Variants in AGBL1 observed in about 807,000 individuals in gnomAD.
AGBL1 encodes cytosolic carboxypeptidase 4.
AGBL1 carries 130 observed loss-of-function variants against 118.9 expected under a neutral mutation model. That is an observed-to-expected ratio of 1.09 (90% CI 0.95 to 1.26). AGBL1 has a LOEUF of 1.26. Among genes scored for constraint, AGBL1 ranks in the 50% most tolerant of loss-of-function variants. AGBL1 has a pLI of 0.00. For missense variants in AGBL1, 1,584 were observed against 1,298.1 expected (o/e 1.22, Z -3.38); for synonymous variants, 555 against 478.9 (o/e 1.16, Z -2.08).
chr15:86,583,980 A>G (rs200741124), intron 21 of AGBL1, among the ~76,000 whole-genome samples: 1 of 132,828 alleles, frequency 7.5e-6, no homozygotes, highest in Admixed American at 7.8e-5. Context: ...GGCCACTTGT[A>G]TGTCTTCTTT....
intron 5 of AGBL1, among the ~76,000 whole-genome samples, chr15:86,173,637 G>T (rs566501582): frequency 6.6e-6 from 1 of 152,028 alleles, no homozygotes; most frequent in Non-Finnish European, 1.5e-5. Context: ...AGAGGTAGGG[G>T]TCTAGTTTCA....
intron 1 of AGBL1, among the ~76,000 whole-genome samples, chr15:86,126,518 T>C (rs763753197): frequency 2.6e-5 from 4 of 152,192 alleles, no homozygotes; most frequent in Non-Finnish European, 5.9e-5. Flanking sequence ...TCTATATGAA[T>C]TGAACAGTGC....
chr15:86,382,596 T>G (rs2081127409), intron 17 of AGBL1, among the ~76,000 whole-genome samples: 1 of 152,116 alleles, frequency 6.6e-6, no homozygotes, highest in African/African-American at 2.4e-5. Context: ...TGTCAGGCTA[T>G]GTAAGTGGAG....
chr15:86,488,492 C>T (rs979626410), intron 18 of AGBL1, among the ~76,000 whole-genome samples: 1 of 151,966 alleles, frequency 6.6e-6, no homozygotes, highest in Non-Finnish European at 1.5e-5. Context: ...TAAGGTAGTA[C>T]CAGGACATTA....
At chr15:86,081,866 T>C (rs1895308013) in intron 1 of AGBL1, among the ~76,000 whole-genome samples, 1 of 152,214 alleles carries the variant, frequency 6.6e-6, no homozygotes, top group African/African-American at 2.4e-5. Context: ...TCACTTCAGG[T>C]TGAACTCAAT....
At chr15:86,100,713 T>TTTG (rs998355001) in intron 1 of AGBL1, among the ~76,000 whole-genome samples, 1 of 152,058 alleles carries the variant, frequency 6.6e-6, no homozygotes, top group African/African-American at 2.4e-5. Context: ...TAATAGCTTT[T>TTTG]TTGTTGTTGT....
intron 22 of AGBL1, among the ~76,000 whole-genome samples, chr15:86,687,690 T>C (rs922280072): frequency 1.3e-5 from 2 of 151,970 alleles, no homozygotes; most frequent in African/African-American, 4.8e-5. Flanking sequence ...TGCTATGGAG[T>C]AGATTGATGG....
chr15:86,122,169 G>A (rs765596403), intron 1 of AGBL1, among the ~76,000 whole-genome samples: 1 of 152,186 alleles, frequency 6.6e-6, no homozygotes, highest in Non-Finnish European at 1.5e-5. Flanking sequence ...TGGAGCAACA[G>A]GATATTGTCC....
intron 17 of AGBL1, among the ~76,000 whole-genome samples, chr15:86,325,422 G>A (rs1399361102): frequency 6.6e-6 from 1 of 152,184 alleles, no homozygotes; most frequent in African/African-American, 2.4e-5. Context: ...TGAGAAAAGA[G>A]AACAGCCTGG....
intron 18 of AGBL1, among the ~76,000 whole-genome samples, chr15:86,509,611 G>A (rs993342677): frequency 2.0e-5 from 3 of 152,074 alleles, no homozygotes; most frequent in African/African-American, 7.2e-5. Context: ...ACGGTGAGGA[G>A]GCAATTGCTG....
Position 86,684,068 on chromosome 15 carries a change from A to G in AGBL1, c.3158+9632A>G, listed in dbSNP as rs368295544. ...AGAGGAAAACAAAAGTGTAAATACA[A>G]TAGTGAAGGCAAAGGAGAGAAGGGA... On this transcript the variant is annotated intron_variant, in intron 22 of 22. Coordinates refer to ENST00000614907, the MANE Select transcript of AGBL1 (RefSeq NM_001386094.1). Among the ~76,000 whole-genome samples, 44 of 152,288 alleles carry G rather than the reference A, an allele frequency of 2.9e-4. 1 individual carries two copies. In the East Asian group the frequency reaches 4.2e-3, roughly 15 times the overall value.
intron 1 of AGBL1, chr15:86,116,807 T>G (rs1483168301): frequency 6.6e-6 from 1 of 152,232 alleles, no homozygotes; most frequent in Non-Finnish European, 1.5e-5. Context: ...TGACAGGTCA[T>G]GGGACTTCTC....
intron 22 of AGBL1, among the ~76,000 whole-genome samples, chr15:86,817,522 T>TACAC (rs145360496): frequency 0.024 from 2,248 of 93,732 alleles, 87 homozygotes; most frequent in African/African-American, 0.088. Context: ...GAGACAGGCA[T>TACAC]ACACACACAC....
At chr15:86,755,579 A>G (rs1190417879) in intron 22 of AGBL1, among the ~76,000 whole-genome samples, 2 of 152,048 alleles carry the variant, frequency 1.3e-5, no homozygotes, top group Non-Finnish European at 2.9e-5. Flanking sequence ...CCCTCTTCCA[A>G]GGATTCTTCC....
rs896015563 is a variant in AGBL1, at chr15:86,905,717, C to T, written c.3159-1370C>T. Among the ~76,000 whole-genome samples, 7 of 152,240 alleles carry T rather than the reference C, an allele frequency of 4.6e-5. No individual in the cohort carries two copies. The East Asian group carries it at 7.7e-4, about 17-fold the overall frequency. ...CCCACAGCCAATATTTAAATACAGGCTTTTGACATTGCATGACACTGACAC... is the reference window on the plus strand; with the variant it reads ...CCCACAGCCAATATTTAAATACAGGTTTTTGACATTGCATGACACTGACAC... On this transcript the variant is annotated intron_variant, in intron 22 of 22. Coordinates refer to ENST00000614907, the MANE Select transcript of AGBL1 (RefSeq NM_001386094.1).
chr15:86,563,030 C>T (rs2083851458), intron 21 of AGBL1, among the ~76,000 whole-genome samples: 1 of 152,056 alleles, frequency 6.6e-6, no homozygotes, highest in African/African-American at 2.4e-5. Context: ...TGATTCTTCT[C>T]TCTTTTTTTC....
chr15:86,160,192 G>T (rs776765494), intron 5 of AGBL1, among the ~76,000 whole-genome samples: 1 of 149,998 alleles, frequency 6.7e-6, no homozygotes, highest in South Asian at 2.1e-4. Context: ...CTTCTCCAGG[G>T]TGTGAATTTA....
intron 20 of AGBL1, 92 bp from the exon 21 acceptor site, chr15:86,554,269 T>C (rs767421362): frequency 4.4e-5 from 48 of 1,097,276 alleles, no homozygotes; most frequent in Non-Finnish European, 5.8e-5. Flanking sequence ...ATTTTATATA[T>C]AGATGCTTAA....
chr15:86,276,714 A>G (rs763284823), intron 15 of AGBL1, among the ~76,000 whole-genome samples: 1 of 152,218 alleles, frequency 6.6e-6, no homozygotes, highest in Non-Finnish European at 1.5e-5. Flanking sequence ...TAGCTAAATA[A>G]GGAAGATGGA....
Sources: allele counts gnomAD v4.1 joint callset (sites outside exome capture counted in the v4.1 genomes callset), GRCh38; gene constraint gnomAD v4.1.1; transcripts MANE v1.5; gene names NCBI Gene and HGNC (gene_info 2026-07-23, HGNC 2026-07-21).